Variants in LAMA5 observed in about 807,000 individuals in gnomAD.
The protein encoded by LAMA5 is laminin subunit alpha 5, also known as laminin subunit alpha-5.
Under a neutral mutation model 433.4 loss-of-function variants are expected in LAMA5, and 260 were observed. The ratio of observed to expected loss-of-function variants is 0.60; its 90% CI spans 0.54 to 0.66. The LOEUF is 0.66. Among genes scored for constraint, LAMA5 ranks in the 30% least tolerant of loss-of-function variants. The pLI, the probability that LAMA5 is intolerant of heterozygous loss-of-function variation, is 0.00. For synonymous variants in LAMA5, 2,620 were observed against 2,226.6 expected (o/e 1.18, Z -4.97); for missense variants, 5,378 against 5,258.5 (o/e 1.02, Z -0.70).
chr20:62,356,537 G>A (rs971317534), intron 2 of LAMA5: 12 of 152,240 alleles, frequency 7.9e-5, no homozygotes, highest in African/African-American at 1.2e-4. Flanking sequence ...TCTCCAGGAC[G>A]GCAGCCGGAC....
intron 6 of LAMA5, among the ~76,000 whole-genome samples, chr20:62,349,561 C>T (rs944102881): frequency 4.3e-5 from 6 of 139,678 alleles, no homozygotes; most frequent in Non-Finnish European, 7.6e-5. Flanking sequence ...ACAAAACAGC[C>T]GTTTTCAGAC....
At chr20:62,336,033 T>C (rs1601365881) in intron 18 of LAMA5, among the ~76,000 whole-genome samples, 2 of 98,224 alleles carry the variant, frequency 2.0e-5, no homozygotes, top group African/African-American at 4.1e-5. Flanking sequence ...GAGGAACCCC[T>C]ATACCCCAAT....
intron 6 of LAMA5, among the ~76,000 whole-genome samples, chr20:62,349,071 C>G (rs1465966756): frequency 6.6e-6 from 1 of 152,018 alleles, no homozygotes; most frequent in South Asian, 2.1e-4. Flanking sequence ...AGATCGAGAC[C>G]ATCTTGGCTA....
intron 11 of LAMA5, among the ~76,000 whole-genome samples, chr20:62,339,358 C>G (rs1982221742): frequency 6.6e-6 from 1 of 151,416 alleles, no homozygotes; most frequent in Non-Finnish European, 1.5e-5. Flanking sequence ...CTGCCTCAGC[C>G]TCCCCAGCAG....
intron 45 of LAMA5, among the ~76,000 whole-genome samples, 162 bp downstream of exon 45, chr20:62,323,294 G>C (rs551647329): frequency 3.3e-5 from 5 of 151,966 alleles, no homozygotes; most frequent in Middle Eastern, 3.4e-3. Flanking sequence ...GGATCATAGC[G>C]GGGGAGAAAG....
chr20:62,351,784 C>T lies in LAMA5; in HGVS notation c.876G>A (p.Lys292=). The part of the protein sequence containing the change: ...TVTRRYYYSI[K]DISIGGRCVC... ...CACAGCGGCCTCCGATGCTGATATC[C>T]TTGATGCTGTAATAATACTGCACCC... Residue 292 remains lysine, a synonymous_variant, in exon 6 of 80, where the codon AAG becomes AAA. Coordinates refer to ENST00000252999, the MANE Select transcript of LAMA5 (RefSeq NM_005560.6). The T allele has an allele frequency of 6.2e-7, 1 of 1,609,694 alleles. No homozygotes were observed. The highest frequency in any genetic ancestry group is 1.1e-5 in the South Asian group (1 of 90,204).
At chr20:62,311,816 T>TTGGCCGCCC in intron 70 of LAMA5, 32 bp from the exon 71 acceptor site, 1 of 1,521,014 alleles carries the variant, frequency 6.6e-7, no homozygotes, top group Non-Finnish European at 8.9e-7. Flanking sequence ...GCTCGGTTTT[T>TTGGCCGCCC]CCCCACCCTG....
chr20:62,346,914 C>G lies in LAMA5; in HGVS notation c.1071G>C (p.Gln357His). 2 of 1,612,890 alleles carry G rather than the reference C, an allele frequency of 1.2e-6. No individual in the cohort carries two copies. Among genetic ancestry groups the G allele is most frequent in the South Asian group, 2.2e-5 (2 of 91,078 alleles). ...PATANSANECQSCNCYGHATD... is the reference protein window; with the variant it reads ...PATANSANECHSCNCYGHATD... ...ACGTGTGTGGGAGGAGGCACTCACA[C>G]TGGCACTCGTTGGCACTGTTGGCAG... The change falls in exon 7 of 80, where the codon CAG (glutamine) becomes CAC (histidine). Residue 357 changes from glutamine to histidine, a missense_variant and splice_region_variant. Transcript: ENST00000252999.
intron 26 of LAMA5, 92 bp from the exon 27 acceptor site, chr20:62,332,809 C>T (rs1980734870): frequency 6.8e-7 from 1 of 1,473,946 alleles, no homozygotes; most frequent in South Asian, 1.2e-5. Context: ...GACCCCAGGG[C>T]CTGCCCTTCA....
intron 35 of LAMA5, 93 bp downstream of exon 35, chr20:62,328,148 T>C: frequency 2.6e-6 from 4 of 1,511,764 alleles, no homozygotes; most frequent in Non-Finnish European, 3.6e-6. Flanking sequence ...GGAGCACAAA[T>C]GGGAGCAGGG....
intron 34 of LAMA5, 137 bp downstream of exon 34, chr20:62,328,707 G>A (rs113195206): frequency 8.8e-6 from 8 of 910,390 alleles, no homozygotes; most frequent in Non-Finnish European, 1.2e-5. Context: ...CCTGGGCCCA[G>A]GCCCGCAGAT....
intron 6 of LAMA5, among the ~76,000 whole-genome samples, chr20:62,347,908 C>T (rs1983628011): frequency 6.6e-6 from 1 of 152,196 alleles, no homozygotes; most frequent in Admixed American, 6.5e-5. Flanking sequence ...TGCTTTCCCT[C>T]AGAATCCAGA....
intron 9 of LAMA5, 21 bp from the exon 10 acceptor site, chr20:62,346,236 G>A (rs1340781821): frequency 1.2e-6 from 2 of 1,604,654 alleles, no homozygotes; most frequent in Admixed American, 1.7e-5. Context: ...GCAGGAGCCG[G>A]GTAAGCCTGG....
Position 62,328,896 on chromosome 20 carries a change from G to A in LAMA5, c.4395C>T (p.Gly1465=), listed in dbSNP as rs771072635. ...GQCPCHAHVI[G]RDCSRCATGY... is the part of the protein sequence containing the mutation. The stretch of plus-strand genomic sequence containing the variant: ...CGGTGGCACAGCGGGAGCAGTCACG[G>A]CCAATGACATGGGCATGGCAGGGAC... The change falls in exon 34 of 80, where the codon GGC becomes GGT. Residue 1465 remains glycine, a synonymous_variant. Coordinates refer to ENST00000252999, the MANE Select transcript of LAMA5 (RefSeq NM_005560.6). The A allele has an allele frequency of 1.9e-6, 3 of 1,611,948 alleles. No homozygotes were observed. The highest frequency in any genetic ancestry group is 1.1e-5 in the South Asian group (1 of 91,026).
At chr20:62,316,266 C>A in intron 57 of LAMA5, 3 of 593,844 alleles carry the variant, frequency 5.1e-6, no homozygotes, top group African/African-American at 1.9e-5. Context: ...GGTCCCACTG[C>A]AGGCATAGCT....
In LAMA5 at chr20:62,330,793, G is replaced by A; in HGVS notation, c.3802C>T (p.Pro1268Ser). ...MSPAGPRPRP[P>S]TAVDPDAEPT... ...TCTGCATCAGGGTCCACAGCGGTGG[G>A]GGGCCGAGGTCGGGGTCCAGCTGGG... Residue 1268 changes from proline (P) to serine (S), a missense_variant, in exon 30 of 80, where the codon CCC becomes TCC. Pro to Ser is a moderately conservative substitution (Grantham distance 74, BLOSUM62 -1). Transcript: ENST00000252999. 1 of 1,561,386 alleles carries A rather than the reference G, an allele frequency of 6.4e-7. No homozygotes were observed. Among genetic ancestry groups the A allele is most frequent in the Non-Finnish European group, 8.7e-7 (1 of 1,154,080 alleles).
rs151158845 is a variant in LAMA5, at chr20:62,339,231, C to CTTT, written c.1478-626_1478-624dup. On this transcript the variant is annotated intron_variant, in intron 11 of 79. Coordinates refer to ENST00000252999, the MANE Select transcript of LAMA5 (RefSeq NM_005560.6). ...CAAGCTGCAAAACAAATTATAGTTT[C>CTTT]TTTTTTTTTTTTTTTTTTTTTTTTG... Among the ~76,000 whole-genome samples the CTTT allele has an allele frequency of 1.9e-3, 105 of 55,984 alleles. 2 individuals are homozygous for CTTT. Among genetic ancestry groups the CTTT allele is most frequent in the African/African-American group, 4.4e-3 (73 of 16,640 alleles). The allele number at this position is 55,984 out of a possible 152,430, so 36.7% of individuals were successfully genotyped here. A position where few individuals can be genotyped will look rare whatever the true frequency, so the allele number is the denominator to read the frequency against.
rs563173415 is a variant in LAMA5, at chr20:62,328,008, C to T, written c.4655G>A (p.Cys1552Tyr). The stretch of plus-strand genomic sequence containing the variant: ...GCGGCGCCCAGTCACGTTGGGTCTG[C>T]ACCTGTGGCAGGGGCGGGAGCTGAG... ...TCDTDSGQCK[C>Y]RPNVTGRRCD... The change falls in exon 36 of 80, where the codon TGC (cysteine) becomes TAC (tyrosine). Residue 1552 changes from cysteine to tyrosine, a missense_variant and splice_region_variant. By Grantham distance (194) the Cys-to-Tyr change is radical. Coordinates refer to ENST00000252999, the MANE Select transcript of LAMA5 (RefSeq NM_005560.6). The T allele has an allele frequency of 1.2e-6, 2 of 1,611,618 alleles. No homozygotes were observed. Among genetic ancestry groups the T allele is most frequent in the Non-Finnish European group, 1.7e-6 (2 of 1,179,790 alleles).
intron 1 of LAMA5, among the ~76,000 whole-genome samples, chr20:62,364,557 C>T (rs991878550): frequency 1.3e-5 from 2 of 152,362 alleles, no homozygotes; most frequent in South Asian, 2.1e-4. Context: ...CCCCCACCTC[C>T]GCTGCGGAGG....
Sources: gnomAD v4.1 joint callset for allele counts (sites outside exome capture counted in the v4.1 genomes callset) on GRCh38, gnomAD v4.1.1 for gene constraint, MANE v1.5 for transcripts, NCBI Gene and HGNC (gene_info 2026-07-23, HGNC 2026-07-21) for gene names.